The following GPC6 variants were observed in gnomAD, a reference collection of about 807,000 sequenced individuals.
GPC6 encodes the protein glypican 6.
GPC6 carries 14 observed loss-of-function variants against 55.2 expected under a neutral mutation model. The ratio of observed to expected loss-of-function variants is 0.25; its 90% CI spans 0.17 to 0.40. The LOEUF (loss-of-function observed/expected upper bound fraction) is 0.40, where lower values mean the gene tolerates loss of function less well. GPC6 is among the 10% of genes least tolerant of loss of function. GPC6 has a pLI of 1.00. For missense variants in GPC6, 641 were observed against 708.5 expected (o/e 0.90, Z 1.08); for synonymous variants, 278 against 259.6 (o/e 1.07, Z -0.68).
chr13:94,197,527 G>T (rs115053379), intron 4 of GPC6, among the ~76,000 whole-genome samples: 3,390 of 152,230 alleles, frequency 0.022, 114 homozygotes, highest in African/African-American at 0.073. Context: ...GTGTCCTCAC[G>T]TGGCAGAGAG....
chr13:94,264,158 T>C (rs1891726682), intron 4 of GPC6, among the ~76,000 whole-genome samples: 1 of 152,190 alleles, frequency 6.6e-6, no homozygotes, highest in South Asian at 2.1e-4. Context: ...TTCCTCCCTC[T>C]CTACCCCCTT....
intron 1 of GPC6, among the ~76,000 whole-genome samples, chr13:93,389,718 C>A (rs1875544824): frequency 6.6e-6 from 1 of 151,216 alleles, no homozygotes; most frequent in Non-Finnish European, 1.5e-5. Context: ...TCTATTTTTC[C>A]TTTTAGTAAA....
At chr13:94,071,375 G>T (rs1360978182) in intron 4 of GPC6, among the ~76,000 whole-genome samples, 1 of 152,156 alleles carries the variant, frequency 6.6e-6, no homozygotes, top group African/African-American at 2.4e-5. Context: ...TGAACAATCA[G>T]AGGATTTAAC....
At chr13:93,731,698 G>A (rs1883826251) in intron 2 of GPC6, among the ~76,000 whole-genome samples, 1 of 152,082 alleles carries the variant, frequency 6.6e-6, no homozygotes, top group Admixed American at 6.6e-5. Context: ...CTAGATATGA[G>A]TGGATTATAG....
chr13:94,093,427 T>C (rs572860417), intron 4 of GPC6, among the ~76,000 whole-genome samples: 1 of 152,204 alleles, frequency 6.6e-6, no homozygotes, highest in South Asian at 2.1e-4. Flanking sequence ...AAGTGTGGAT[T>C]TGCTTCTGGC....
At chr13:93,322,121 T>A (rs1879464735) in intron 1 of GPC6, among the ~76,000 whole-genome samples, 1 of 152,218 alleles carries the variant, frequency 6.6e-6, no homozygotes, top group Non-Finnish European at 1.5e-5. Context: ...CAAGAAAACG[T>A]TGACTTGCTA....
intron 1 of GPC6, among the ~76,000 whole-genome samples, chr13:93,358,076 G>T (rs72639035): frequency 6.6e-6 from 1 of 152,054 alleles, no homozygotes; most frequent in African/African-American, 2.4e-5. Context: ...GGCCGGGTAC[G>T]GTGGCTCATG....
chr13:93,704,915 C>A (rs1038074231), intron 2 of GPC6, among the ~76,000 whole-genome samples: 1 of 151,856 alleles, frequency 6.6e-6, no homozygotes, highest in Non-Finnish European at 1.5e-5. Flanking sequence ...GTGGGTGACA[C>A]CAGGGCAGTC....
At chr13:93,380,720 T>C (rs1050856492) in intron 1 of GPC6, among the ~76,000 whole-genome samples, 1 of 152,150 alleles carries the variant, frequency 6.6e-6, no homozygotes, top group Admixed American at 6.5e-5. Context: ...TTGTTGGTGA[T>C]ATTAATACTC....
chr13:94,002,175 C>T (rs748356802), intron 3 of GPC6, among the ~76,000 whole-genome samples: 1 of 151,966 alleles, frequency 6.6e-6, no homozygotes, highest in Non-Finnish European at 1.5e-5. Context: ...AAAGAATTTA[C>T]AACTTTTCTA....
At chr13:94,346,572 A>C (rs964255763) in intron 6 of GPC6, among the ~76,000 whole-genome samples, 1 of 151,970 alleles carries the variant, frequency 6.6e-6, no homozygotes, top group Non-Finnish European at 1.5e-5. Context: ...ATACAAAAAA[A>C]ATAGCTGGGC....
intron 2 of GPC6, among the ~76,000 whole-genome samples, chr13:93,732,686 G>T (rs1356269411): frequency 6.6e-6 from 1 of 151,982 alleles, no homozygotes; most frequent in Non-Finnish European, 1.5e-5. Flanking sequence ...GCTCTCTTTG[G>T]TATCATTTAT....
At chr13:93,336,264 G>C (rs2139143357) in intron 1 of GPC6, among the ~76,000 whole-genome samples, 1 of 152,268 alleles carries the variant, frequency 6.6e-6, no homozygotes, top group East Asian at 1.9e-4. Context: ...TGCAGATAAT[G>C]TGTTTGACAT....
At chr13:93,594,231 T>A (rs1877624713) in intron 2 of GPC6, among the ~76,000 whole-genome samples, 1 of 151,960 alleles carries the variant, frequency 6.6e-6, no homozygotes, top group Admixed American at 6.6e-5. Context: ...AAACTTCTGT[T>A]ATGGGGGTTT....
At chr13:93,849,838 T>G (rs1308064463) in intron 3 of GPC6, among the ~76,000 whole-genome samples, 1 of 152,068 alleles carries the variant, frequency 6.6e-6, no homozygotes, top group Non-Finnish European at 1.5e-5. Flanking sequence ...AAGAGAAAGA[T>G]GTACCAAAAT....
chr13:93,904,900 A>T (rs1459213131), intron 3 of GPC6, among the ~76,000 whole-genome samples: 1 of 150,448 alleles, frequency 6.6e-6, no homozygotes, highest in South Asian at 2.1e-4. Flanking sequence ...AGCATTAGGT[A>T]TATCTCCCAA....
At chr13:93,692,987 A>G (rs1431277536) in intron 2 of GPC6, among the ~76,000 whole-genome samples, 1 of 152,134 alleles carries the variant, frequency 6.6e-6, no homozygotes, top group Non-Finnish European at 1.5e-5. Flanking sequence ...CATAAATTCT[A>G]TTGAACTATG....
chr13:93,328,450 G>T (rs1376568404), intron 1 of GPC6, among the ~76,000 whole-genome samples: 3 of 152,040 alleles, frequency 2.0e-5, no homozygotes, highest in East Asian at 1.9e-4. Context: ...GAGGCACAAG[G>T]ATCGCTTGAG....
chr13:93,596,788 A>G (rs2051917922), intron 2 of GPC6, among the ~76,000 whole-genome samples: 1 of 148,112 alleles, frequency 6.8e-6, no homozygotes, highest in Non-Finnish European at 1.5e-5. Context: ...ATACACAGGT[A>G]CATACATATA....
Sources: allele counts gnomAD v4.1 joint callset (sites outside exome capture counted in the v4.1 genomes callset), GRCh38; gene constraint gnomAD v4.1.1; transcripts MANE v1.5; gene names NCBI Gene and HGNC (gene_info 2026-07-23, HGNC 2026-07-21).